Variants in EPHB1 observed in about 807,000 individuals in gnomAD.
EPHB1 encodes EPH receptor B1, also known as ephrin type-B receptor 1.
In EPHB1, 30 loss-of-function variants were observed where a neutral mutation model predicts 94.4. The observed-to-expected ratio is 0.32, with a 90% CI of 0.24 to 0.43. The LOEUF is 0.43. Among genes scored for constraint, EPHB1 ranks in the 20% least tolerant of loss-of-function variants. The pLI is 1.00. For missense variants in EPHB1, 1,055 were observed against 1,308.3 expected (o/e 0.81, Z 2.99); for synonymous variants, 522 against 489.1 (o/e 1.07, Z -0.89).
chr3:134,890,117 C>T (rs2037947783), intron 1 of EPHB1, among the ~76,000 whole-genome samples: 1 of 152,152 alleles, frequency 6.6e-6, no homozygotes, highest in African/African-American at 2.4e-5. Flanking sequence ...TCCACCTCTC[C>T]TCAGTCACTA....
chr3:134,966,110 C>T (rs1158796950), intron 3 of EPHB1, among the ~76,000 whole-genome samples: 3 of 152,206 alleles, frequency 2.0e-5, no homozygotes, highest in Non-Finnish European at 4.4e-5. Context: ...TCTGCTCGCT[C>T]CTTTCACACA....
chr3:135,201,520 G>A lies in EPHB1; in HGVS notation c.2177G>A (p.Arg726Lys), dbSNP rs766595273. ...FTVIQLVGML[R>K]GIAAGMKYLA... Reference sequence around the variant, plus strand: ...GTGATCCAGCTTGTGGGTATGCTCAGGGGCATCGCTGCTGGCATGAAGTAC... The same window carrying A: ...GTGATCCAGCTTGTGGGTATGCTCAAGGGCATCGCTGCTGGCATGAAGTAC... The change falls in exon 12 of 16, where the codon AGG becomes AAG. Residue 726 changes from arginine (R) to lysine (K), a missense_variant. Coordinates refer to ENST00000398015, the MANE Select transcript of EPHB1 (RefSeq NM_004441.5). The A allele has an allele frequency of 1.9e-6, 3 of 1,613,908 alleles. No individual in the cohort carries two copies. Among genetic ancestry groups the A allele is most frequent in the Non-Finnish European group, 2.5e-6 (3 of 1,180,016 alleles).
intron 2 of EPHB1, among the ~76,000 whole-genome samples, chr3:134,942,662 T>C (rs974012929): frequency 6.6e-6 from 1 of 152,180 alleles, no homozygotes; most frequent in African/African-American, 2.4e-5. Context: ...AAGTTGGTGA[T>C]GCACTCCATG....
intron 3 of EPHB1, among the ~76,000 whole-genome samples, chr3:135,030,847 C>T (rs1936420548): frequency 6.6e-6 from 1 of 152,198 alleles, no homozygotes; most frequent in Admixed American, 6.5e-5. Context: ...GCAGTTTGAT[C>T]TCAGACTGCT....
chr3:135,251,841 G>A (rs1321443602), intron 15 of EPHB1, among the ~76,000 whole-genome samples: 1 of 152,178 alleles, frequency 6.6e-6, no homozygotes, highest in Admixed American at 6.5e-5. Context: ...GCTGTGCTGG[G>A]TTCAGGGGGC....
At chr3:135,249,190 A>G (rs3821501) in intron 14 of EPHB1, 146 bp from the exon 15 acceptor site, 316,818 of 900,924 alleles carry the variant, frequency 0.35, 57,074 homozygotes, top group South Asian at 0.42. Flanking sequence ...GATTCCATGA[A>G]GAAGAAAGGT....
chr3:135,055,731 G>C (rs973679146), intron 3 of EPHB1, among the ~76,000 whole-genome samples: 1 of 152,218 alleles, frequency 6.6e-6, no homozygotes, highest in African/African-American at 2.4e-5. Flanking sequence ...AGGATGAACA[G>C]GGTCACACGT....
chr3:134,991,404 G>T (rs1934793068), intron 3 of EPHB1, among the ~76,000 whole-genome samples: 1 of 152,206 alleles, frequency 6.6e-6, no homozygotes, highest in Admixed American at 6.5e-5. Context: ...GTCTTCCTTG[G>T]TTTGAGGTAG....
intron 12 of EPHB1, among the ~76,000 whole-genome samples, chr3:135,216,314 C>T (rs541710420): frequency 1.2e-4 from 18 of 152,226 alleles, no homozygotes; most frequent in African/African-American, 4.1e-4. Flanking sequence ...AGTCTGAACC[C>T]CTCCCCTCAT....
At position 135,068,717 on chromosome 3, in the gene EPHB1, C is replaced by A. The variant is rs1196728802; in HGVS notation, c.806-37731C>A. Among the ~76,000 whole-genome samples, 10 of 151,132 alleles carry A rather than the reference C, an allele frequency of 6.6e-5. No individual in the cohort carries two copies. The East Asian group carries it at 2.0e-3, about 30-fold the overall frequency. ...AGGTTGGAGTGCAGTGGCGCAATCT[C>A]TGCTCACTGCAAGCTCCACTTCCCA... is the stretch of plus-strand genomic sequence containing the variant. On this transcript the variant is annotated intron_variant, in intron 3 of 15. Coordinates refer to ENST00000398015, the MANE Select transcript of EPHB1 (RefSeq NM_004441.5).
At chr3:135,257,099 A>C (rs1441840316) in intron 15 of EPHB1, among the ~76,000 whole-genome samples, 1 of 148,312 alleles carries the variant, frequency 6.7e-6, no homozygotes, top group East Asian at 2.0e-4. Context: ...TGTATTGGTT[A>C]TTCTAGTTAT....
chr3:135,245,994 T>TG (rs923477782), intron 13 of EPHB1, among the ~76,000 whole-genome samples: 2 of 152,144 alleles, frequency 1.3e-5, no homozygotes, highest in Non-Finnish European at 2.9e-5. Flanking sequence ...ATCATGGAGC[T>TG]GCGCTCTCTC....
chr3:134,931,981 G>GTA (rs113165496), intron 2 of EPHB1, among the ~76,000 whole-genome samples: 2 of 151,990 alleles, frequency 1.3e-5, no homozygotes, highest in South Asian at 2.1e-4. Flanking sequence ...ATATGTATGT[G>GTA]TATATATATG....
intron 2 of EPHB1, among the ~76,000 whole-genome samples, chr3:134,930,835 A>G (rs1262996836): frequency 6.6e-6 from 1 of 151,978 alleles, no homozygotes; most frequent in Non-Finnish European, 1.5e-5. Context: ...CCATTTTTTT[A>G]AGCCTGTGGG....
chr3:134,886,989 A>T (rs2108313947), intron 1 of EPHB1, among the ~76,000 whole-genome samples: 1 of 152,324 alleles, frequency 6.6e-6, no homozygotes, highest in South Asian at 2.1e-4. Flanking sequence ...GAGATATATA[A>T]TCATGGAGCA....
At chr3:135,056,068 G>A (rs912028092) in intron 3 of EPHB1, among the ~76,000 whole-genome samples, 1 of 152,196 alleles carries the variant, frequency 6.6e-6, no homozygotes, top group African/African-American at 2.4e-5. Flanking sequence ...TTACTCACAG[G>A]AGAAGAAAGA....
chr3:134,856,304 C>T (rs1453149031), intron 1 of EPHB1, among the ~76,000 whole-genome samples: 1 of 152,098 alleles, frequency 6.6e-6, no homozygotes, highest in African/African-American at 2.4e-5. Context: ...ATAGGCACCC[C>T]ATGGCCCAAT....
At chr3:134,987,231 C>T (rs143269379) in intron 3 of EPHB1, among the ~76,000 whole-genome samples, 22 of 152,242 alleles carry the variant, frequency 1.4e-4, no homozygotes, top group South Asian at 6.2e-4. Flanking sequence ...ATATTGCGTG[C>T]GTTAATTTAT....
chr3:135,233,892 C>T (rs1943590486), intron 12 of EPHB1, among the ~76,000 whole-genome samples: 5 of 152,308 alleles, frequency 3.3e-5, no homozygotes, highest in South Asian at 4.1e-4. Context: ...CCCTTTTGGC[C>T]ATAGCTGGAG....
Sources: gnomAD v4.1 joint callset for allele counts (sites outside exome capture counted in the v4.1 genomes callset) on GRCh38, gnomAD v4.1.1 for gene constraint, MANE v1.5 for transcripts, NCBI Gene and HGNC (gene_info 2026-07-23, HGNC 2026-07-21) for gene names.